ADCY9: variants seen among roughly 807,000 people sequenced by gnomAD.
ADCY9 encodes the protein adenylate cyclase 9.
In ADCY9, 50 loss-of-function variants were observed where a neutral mutation model predicts 101.5. The observed-to-expected ratio is 0.49, with a 90% CI of 0.39 to 0.62. ADCY9 has a LOEUF of 0.62. Ranked by LOEUF, ADCY9 falls within the 20% of genes least tolerant of loss-of-function variation. The pLI is 0.00. For missense variants in ADCY9, 1,662 were observed against 1,800.4 expected (o/e 0.92, Z 1.39); for synonymous variants, 905 against 769.3 (o/e 1.18, Z -2.92).
intron 3 of ADCY9, among the ~76,000 whole-genome samples, chr16:3,995,467 C>T (rs1478068322): frequency 2.0e-5 from 3 of 152,012 alleles, no homozygotes; most frequent in Middle Eastern, 3.4e-3. Flanking sequence ...ATATATATAG[C>T]CTAGCACAGT....
chr16:3,981,616 T>G (rs1237747675), intron 7 of ADCY9, among the ~76,000 whole-genome samples: 1 of 152,180 alleles, frequency 6.6e-6, no homozygotes, highest in Non-Finnish European at 1.5e-5. Context: ...TTTTTTGAGA[T>G]GGAGTTTTGC....
In ADCY9 at chr16:4,113,883, C is replaced by T; in HGVS notation, c.1560G>A (p.Met520Ile). The T allele has an allele frequency of 6.2e-7, 1 of 1,614,194 alleles. No homozygotes were observed. ...CTTTGCCGGCCACTCCCAGCTGCTC[C>T]ATGAGATTGGCCAGGTTCACATCGT... is the stretch of plus-strand genomic sequence containing the variant. ...WSNDVNLANL[M>I]EQLGVAGKVH... Residue 520 changes from methionine (M) to isoleucine (I), a missense_variant, in exon 2 of 11, where the codon ATG (methionine) becomes ATA (isoleucine). By Grantham distance (10) the Met-to-Ile change is conservative (BLOSUM62 1). Coordinates refer to ENST00000294016, the MANE Select transcript of ADCY9 (RefSeq NM_001116.4).
chr16:4,049,658 C>A (rs955813655), intron 2 of ADCY9, among the ~76,000 whole-genome samples: 1 of 152,206 alleles, frequency 6.6e-6, no homozygotes, highest in Non-Finnish European at 1.5e-5. Context: ...CCGCCTCCAA[C>A]CCATCCCTTC....
chr16:4,061,280 G>A (rs1401913572), intron 2 of ADCY9, among the ~76,000 whole-genome samples: 1 of 151,902 alleles, frequency 6.6e-6, no homozygotes. Context: ...GCAAAAGGAA[G>A]CAGAAAAAAT....
chr16:4,023,872 T>C (rs2056495335), intron 2 of ADCY9, among the ~76,000 whole-genome samples: 2 of 151,132 alleles, frequency 1.3e-5, no homozygotes, highest in Non-Finnish European at 2.9e-5. Context: ...ATTACGCCAC[T>C]GCACTCCAGC....
rs368730565 is a variant in ADCY9, at chr16:3,983,267, C to T, written c.2484G>A (p.Leu828=). 2 of 1,553,292 alleles carry T rather than the reference C, an allele frequency of 1.3e-6. No individual in the cohort carries two copies. Among genetic ancestry groups the T allele is most frequent in the African/African-American group, 1.4e-5 (1 of 73,150 alleles). Residue 828 remains leucine (L), a synonymous_variant, in exon 7 of 11, where the codon CTG becomes CTA. Coordinates refer to ENST00000294016, the MANE Select transcript of ADCY9 (RefSeq NM_001116.4). The part of the protein sequence containing the change: ...PAALAVFSAA[L]LLEVLSLAVS... ...CCGCGAGGGACAGCACCTCCAGCAG[C>T]AGGGCTGCACTGAAGACCGCCAGGG...
chr16:4,082,401 CTA>C (rs915266841), intron 2 of ADCY9, among the ~76,000 whole-genome samples: 14 of 152,260 alleles, frequency 9.2e-5, no homozygotes, highest in Non-Finnish European at 1.9e-4. Context: ...AAACAAAATT[CTA>C]TGTTTTAACT....
At chr16:4,071,905 G>A (rs2056837101) in intron 2 of ADCY9, among the ~76,000 whole-genome samples, 1 of 152,080 alleles carries the variant, frequency 6.6e-6, no homozygotes, top group Non-Finnish European at 1.5e-5. Context: ...CCACCTCCCG[G>A]GTTCAAGCGA....
intron 2 of ADCY9, chr16:4,032,990 G>A (rs1488148201): frequency 2.6e-5 from 4 of 152,154 alleles, no homozygotes; most frequent in African/African-American, 7.2e-5. Context: ...GCCCCACCAC[G>A]TGGCAACCCA....
intron 2 of ADCY9, among the ~76,000 whole-genome samples, chr16:4,106,002 G>GCTACAACTCATTCTGCCTCCACTGCCA (rs2057074692): frequency 1.3e-5 from 2 of 152,132 alleles, no homozygotes; most frequent in Admixed American, 1.3e-4. Context: ...CACCACTACT[G>GCTACAACTCATTCTGCCTCCACTGCCA]CTACAACTCA....
intron 2 of ADCY9, among the ~76,000 whole-genome samples, chr16:4,084,722 TCAAAAA>T (rs745502439): frequency 4.0e-5 from 6 of 151,440 alleles, no homozygotes; most frequent in Admixed American, 2.0e-4. Context: ...TGAGACTGTC[TCAAAAA>T]CAAAAACAAA....
chr16:3,990,273 C>G (rs1410796755), intron 5 of ADCY9, among the ~76,000 whole-genome samples: 1 of 152,094 alleles, frequency 6.6e-6, no homozygotes, highest in East Asian at 1.9e-4. Flanking sequence ...CGGGACCAGC[C>G]TGGCCAACAT....
In ADCY9 at chr16:3,974,908, T is replaced by G. The variant is rs3730135; in HGVS notation, c.2829-198A>C. 4.3e-3 allele frequency among the ~76,000 whole-genome samples: 662 copies of G among 152,310 alleles called. 4 individuals are homozygous for G. Among genetic ancestry groups the G allele is most frequent in the African/African-American group, 0.014 (589 of 41,564 alleles). On this transcript the variant is annotated intron_variant, in intron 9 of 10. Coordinates refer to ENST00000294016, the MANE Select transcript of ADCY9 (RefSeq NM_001116.4). ...GCAGTTCCCTTGGTAAAGCTGAGTT[T>G]ACGTCTTTGTTTACCATCCCGCATC... is the stretch of plus-strand genomic sequence containing the variant.
chr16:4,054,743 T>C (rs2056725783), intron 2 of ADCY9, among the ~76,000 whole-genome samples: 1 of 152,058 alleles, frequency 6.6e-6, no homozygotes, highest in Non-Finnish European at 1.5e-5. Context: ...GCTAATTTTG[T>C]ATTGTTAGTA....
At chr16:4,038,681 C>T (rs1189419206) in intron 2 of ADCY9, among the ~76,000 whole-genome samples, 1 of 151,980 alleles carries the variant, frequency 6.6e-6, no homozygotes, top group African/African-American at 2.4e-5. Context: ...TGGGTCTCAT[C>T]CTCACAACCC....
chr16:3,974,752 G>A (rs2056080052), intron 9 of ADCY9, 42 bp from the exon 10 acceptor site: 1 of 1,543,722 alleles, frequency 6.5e-7, no homozygotes, highest in Non-Finnish European at 8.9e-7. Context: ...AAAGAGCAAA[G>A]AAGGCATTCC....
At chr16:4,093,522 AT>A (rs1378936257) in intron 2 of ADCY9, among the ~76,000 whole-genome samples, 7 of 152,230 alleles carry the variant, frequency 4.6e-5, no homozygotes, top group Admixed American at 1.3e-4. Flanking sequence ...AAAGTATATT[AT>A]TAAGTAATAA....
At position 3,983,315 on chromosome 16, in the gene ADCY9, G is replaced by A. The variant is rs1315025337; in HGVS notation, c.2436C>T (p.Ala812=). The change falls in exon 7 of 11, where the codon GCC becomes GCT. Residue 812 remains alanine (A), a synonymous_variant. Transcript: ENST00000294016. ...GGGCGGCGGGCGGGGGAGGCACGGT[G>A]GCCGCCTCGTACTTCAGGAAGCAGG... ...STTCFLKYEA[A]TVPPPPAALA... is the part of the protein sequence containing the mutation. 1 of 1,571,140 alleles carries A rather than the reference G, an allele frequency of 6.4e-7. No individual in the cohort carries two copies. Among genetic ancestry groups the A allele is most frequent in the Non-Finnish European group, 8.6e-7 (1 of 1,158,696 alleles).
chr16:3,998,466 T>C (rs1250860096), intron 3 of ADCY9, among the ~76,000 whole-genome samples: 1 of 151,300 alleles, frequency 6.6e-6, no homozygotes, highest in Non-Finnish European at 1.5e-5. Context: ...ATCCCAGCAC[T>C]TTGGGAGGCC....
Sources: allele counts gnomAD v4.1 joint callset (sites outside exome capture counted in the v4.1 genomes callset), GRCh38; gene constraint gnomAD v4.1.1; transcripts MANE v1.5; gene names NCBI Gene and HGNC (gene_info 2026-07-23, HGNC 2026-07-21).